Variants in PDE5A observed in about 807,000 individuals in gnomAD.
The protein encoded by PDE5A is cGMP-specific 3',5'-cyclic phosphodiesterase.
PDE5A carries 67 observed loss-of-function variants against 110.2 expected under a neutral mutation model. That is an observed-to-expected ratio of 0.61 (90% CI 0.50 to 0.75). The LOEUF is 0.75. Among genes scored for constraint, PDE5A ranks in the 30% least tolerant of loss-of-function variants. PDE5A has a pLI of 0.00. For missense variants in PDE5A, 862 were observed against 1,045.1 expected, an observed-to-expected ratio of 0.82 and a Z score of 2.42; for synonymous variants, 328 against 351.2, an observed-to-expected ratio of 0.93 and a Z score of 0.74.
intron 3 of PDE5A, among the ~76,000 whole-genome samples, chr4:119,581,427 ATG>A (rs1728585599): frequency 6.6e-6 from 1 of 152,026 alleles, no homozygotes; most frequent in Admixed American, 6.6e-5. Context: ...CAAGAAAAAC[ATG>A]TGTGTGTGCG....
chr4:119,535,726 G>GA (rs1166211961), intron 11 of PDE5A, among the ~76,000 whole-genome samples: 1 of 151,990 alleles, frequency 6.6e-6, no homozygotes, highest in African/African-American at 2.4e-5. Flanking sequence ...AACAGAAGTG[G>GA]AAAAAATAAA....
In PDE5A at chr4:119,589,443, G is replaced by A. The variant is rs543257476; in HGVS notation, c.831+7080C>T. On this transcript the variant is annotated intron_variant, in intron 3 of 20. Coordinates refer to ENST00000354960, the MANE Select transcript of PDE5A (RefSeq NM_001083.4). ...ACAGGTCATCTGAGCTAGGGGGAAA[G>A]ATCTGAGCTTCTCTGTAATTCTTTA... 3.3e-5 allele frequency among the ~76,000 whole-genome samples: 5 copies of A among 150,460 alleles called. No homozygotes were observed. In the South Asian group the frequency reaches 1.1e-3, roughly 32 times the overall value.
intron 19 of PDE5A, among the ~76,000 whole-genome samples, chr4:119,501,864 A>AGAT (rs1417605329): frequency 1.3e-5 from 2 of 152,160 alleles, no homozygotes; most frequent in African/African-American, 4.8e-5. Context: ...TATGCTAACA[A>AGAT]GATAATGAAG....
At chr4:119,577,563 T>A (rs1178900222) in intron 3 of PDE5A, among the ~76,000 whole-genome samples, 2 of 152,160 alleles carry the variant, frequency 1.3e-5, no homozygotes, top group East Asian at 3.8e-4. Flanking sequence ...ATCCAGCATA[T>A]AAACAGAACC....
chr4:119,517,294 C>CT (rs1725944259), intron 14 of PDE5A, among the ~76,000 whole-genome samples: 1 of 151,684 alleles, frequency 6.6e-6, no homozygotes. Flanking sequence ...CACAGTATAC[C>CT]TTTTTAGAAG....
intron 1 of PDE5A, among the ~76,000 whole-genome samples, chr4:119,621,802 C>G (rs931799786): frequency 6.6e-5 from 10 of 152,196 alleles, no homozygotes; most frequent in Non-Finnish European, 1.3e-4. Context: ...CTGTCACTTG[C>G]AACCAAAAGC....
intron 5 of PDE5A, among the ~76,000 whole-genome samples, chr4:119,563,617 T>A (rs1265515230): frequency 3.9e-5 from 6 of 152,094 alleles, no homozygotes; most frequent in Non-Finnish European, 8.8e-5. Flanking sequence ...ATAATAGAAT[T>A]CAGAGAAAGT....
At chr4:119,530,948 C>A (rs987279349) in intron 11 of PDE5A, among the ~76,000 whole-genome samples, 38 of 152,066 alleles carry the variant, frequency 2.5e-4, no homozygotes, top group African/African-American at 8.9e-4. Flanking sequence ...TTCATCTGCA[C>A]AACAAATACT....
In PDE5A at chr4:119,542,653, T is replaced by C. The variant is rs778431955; in HGVS notation, c.1397-19A>G. The C allele has an allele frequency of 6.2e-7, 1 of 1,605,132 alleles. No homozygotes were observed. The highest frequency in any genetic ancestry group is 8.5e-7 in the Non-Finnish European group (1 of 1,172,726). ...CAAACCCCTATAACAATCCGAGAAA[T>C]TGAGCAAATGTTATTGTTGATTATC... On this transcript the variant is annotated intron_variant, in intron 9 of 20. Coordinates refer to ENST00000354960, the MANE Select transcript of PDE5A (RefSeq NM_001083.4).
chr4:119,583,301 C>G (rs776524273), intron 3 of PDE5A, among the ~76,000 whole-genome samples: 1 of 152,218 alleles, frequency 6.6e-6, no homozygotes, highest in Non-Finnish European at 1.5e-5. Context: ...TAGCTTCTAA[C>G]TTTTCTTCTG....
At chr4:119,588,493 A>G (rs181118806) in intron 3 of PDE5A, among the ~76,000 whole-genome samples, 65 of 150,366 alleles carry the variant, frequency 4.3e-4, no homozygotes, top group Admixed American at 4.0e-3. Context: ...TCCAAATTGA[A>G]AAAAATTTAA....
At chr4:119,506,033 C>T (rs1407458429) in intron 16 of PDE5A, 101 bp from the exon 17 acceptor site, 2 of 558,918 alleles carry the variant, frequency 3.6e-6, no homozygotes, top group Non-Finnish European at 3.0e-6. Context: ...GAAAAAAAAC[C>T]TCTGATTTTT....
At chr4:119,606,045 G>A (rs968716489) in intron 2 of PDE5A, among the ~76,000 whole-genome samples, 7 of 152,236 alleles carry the variant, frequency 4.6e-5, no homozygotes, top group African/African-American at 1.4e-4. Context: ...ATTTTAAATG[G>A]GAAATTTGAA....
intron 3 of PDE5A, among the ~76,000 whole-genome samples, chr4:119,573,716 G>A (rs911456327): frequency 1.3e-5 from 2 of 152,172 alleles, no homozygotes; most frequent in Admixed American, 6.5e-5. Context: ...GGAGAATGAT[G>A]CTTTTAGTTT....
At chr4:119,603,367 T>A (rs1425818377) in intron 2 of PDE5A, among the ~76,000 whole-genome samples, 2 of 115,510 alleles carry the variant, frequency 1.7e-5, no homozygotes, top group African/African-American at 6.4e-5. Flanking sequence ...AGACTCTGGC[T>A]TAAAATAAAT....
At chr4:119,585,768 C>T (rs186039502) in intron 3 of PDE5A, among the ~76,000 whole-genome samples, 9 of 152,252 alleles carry the variant, frequency 5.9e-5, no homozygotes, top group South Asian at 2.1e-4. Context: ...AAGAACAGAA[C>T]GCCGGGAAAG....
At chr4:119,556,788 GA>G (rs1727556268) in intron 7 of PDE5A, among the ~76,000 whole-genome samples, 1 of 152,128 alleles carries the variant, frequency 6.6e-6, no homozygotes, top group Admixed American at 6.6e-5. Flanking sequence ...AAAACAAAAC[GA>G]AACAGTATAA....
chr4:119,588,416 A>G (rs1728846310), intron 3 of PDE5A, among the ~76,000 whole-genome samples: 1 of 151,636 alleles, frequency 6.6e-6, no homozygotes, highest in Non-Finnish European at 1.5e-5. Context: ...GCCTCGAGTG[A>G]TCCACCCCCC....
At position 119,511,118 on chromosome 4, in the gene PDE5A, C is replaced by T; in HGVS notation, c.2017G>A (p.Ala673Thr). The T allele has an allele frequency of 6.2e-7, 1 of 1,607,554 alleles. No individual in the cohort carries two copies. The highest frequency in any genetic ancestry group is 2.2e-5 in the East Asian group (1 of 44,778). ...ATGATTGAATGGCAGTAAAGCTGGG[C>T]AAGTGGATGTTCACTTCTGAAAGTA... ...SYIQRSEHPLAQLYCHSIMEH... is the reference protein window; with the variant it reads ...SYIQRSEHPLTQLYCHSIMEH... Residue 673 changes from alanine to threonine, a missense_variant, in exon 15 of 21, where the codon GCC (alanine) becomes ACC (threonine). Ala to Thr is a moderately conservative substitution (Grantham distance 58). Coordinates refer to ENST00000354960, the MANE Select transcript of PDE5A (RefSeq NM_001083.4).
Sources: allele counts gnomAD v4.1 joint callset (sites outside exome capture counted in the v4.1 genomes callset), GRCh38; gene constraint gnomAD v4.1.1; transcripts MANE v1.5; gene names NCBI Gene and HGNC (gene_info 2026-07-23, HGNC 2026-07-21).